The following SLCO5A1 variants were observed in gnomAD, a reference collection of about 807,000 sequenced individuals.
SLCO5A1 encodes organic anion transporter polypeptide-related protein 4.
Under a neutral mutation model 65.1 loss-of-function variants are expected in SLCO5A1, and 39 were observed. The observed-to-expected ratio is 0.60, with a 90% CI of 0.46 to 0.78. The LOEUF is 0.78. Among genes scored for constraint, SLCO5A1 ranks in the 30% least tolerant of loss-of-function variants. SLCO5A1 has a pLI of 0.00. For missense variants in SLCO5A1, 1,029 were observed against 1,069.4 expected (o/e 0.96, Z 0.53); for synonymous variants, 438 against 415.7 (o/e 1.05, Z -0.65).
chr8:69,795,390 T>G (rs936200477), intron 2 of SLCO5A1, among the ~76,000 whole-genome samples: 6 of 152,096 alleles, frequency 3.9e-5, no homozygotes, highest in African/African-American at 1.4e-4. Flanking sequence ...CCAAAAGAGA[T>G]AAATTCAGCA....
intron 5 of SLCO5A1, among the ~76,000 whole-genome samples, chr8:69,707,312 A>C (rs1223325797): frequency 6.6e-6 from 1 of 152,234 alleles, no homozygotes; most frequent in Non-Finnish European, 1.5e-5. Context: ...AGGGTTTTAC[A>C]CAAGTGGCAG....
chr8:69,788,368 T>C (rs1819127245), intron 2 of SLCO5A1, among the ~76,000 whole-genome samples: 1 of 152,246 alleles, frequency 6.6e-6, no homozygotes, highest in African/African-American at 2.4e-5. Context: ...CTAGGACTTG[T>C]ATACTGAGAC....
chr8:69,733,081 AC>A (rs899255927), intron 5 of SLCO5A1, among the ~76,000 whole-genome samples: 1 of 152,166 alleles, frequency 6.6e-6, no homozygotes, highest in African/African-American at 2.4e-5. Flanking sequence ...AAATGATGTT[AC>A]CCACATAAAA....
At chr8:69,716,169 C>G (rs1466297035) in intron 5 of SLCO5A1, among the ~76,000 whole-genome samples, 1 of 152,068 alleles carries the variant, frequency 6.6e-6, no homozygotes, top group Non-Finnish European at 1.5e-5. Flanking sequence ...TATTTATGAC[C>G]AAATAACATT....
chr8:69,784,950 G>GAAAGA (rs1406393405), intron 2 of SLCO5A1, among the ~76,000 whole-genome samples: 3 of 121,100 alleles, frequency 2.5e-5, no homozygotes, highest in South Asian at 2.6e-4. Flanking sequence ...AAGAAAGAAA[G>GAAAGA]AAGAAAGGAA....
intron 5 of SLCO5A1, among the ~76,000 whole-genome samples, chr8:69,736,750 T>G (rs1816577917): frequency 6.6e-6 from 1 of 152,232 alleles, no homozygotes; most frequent in Non-Finnish European, 1.5e-5. Flanking sequence ...TTTATTTTAT[T>G]ATGAACTGTC....
chr8:69,832,572 C>T lies in SLCO5A1; in HGVS notation c.102G>A (p.Arg34=). 1 of 1,612,856 alleles carries T rather than the reference C, an allele frequency of 6.2e-7. No homozygotes were observed. Among genetic ancestry groups the T allele is most frequent in the South Asian group, 1.1e-5 (1 of 90,894 alleles). The change falls in exon 2 of 10, where the codon AGG becomes AGA. Residue 34 remains arginine (R), a synonymous_variant. Transcript: ENST00000260126. This position sits in a 1 kb window ranked among gnomAD's most constrained non-coding sequence, Gnocchi z 4.5. ...TGCTGAGGACCGGTAAACTCTTAGA[C>T]CTGAGGGTCTCCGGCTCGCACCTCT... ...VQERCEPETL[R]SKSLPVLSSA...
intron 7 of SLCO5A1, among the ~76,000 whole-genome samples, chr8:69,680,275 A>C: frequency 6.6e-6 from 1 of 151,554 alleles, no homozygotes; most frequent in East Asian, 1.9e-4. Flanking sequence ...AGTTTTTCAC[A>C]CCTCCCTCCC....
Position 69,688,493 on chromosome 8 carries a change from C to A in SLCO5A1, c.1623-6150G>T, listed in dbSNP as rs909010356. Among the ~76,000 whole-genome samples the A allele has an allele frequency of 7.9e-5, 12 of 152,156 alleles. No individual in the cohort carries two copies. The East Asian group carries it at 2.1e-3, about 27-fold the overall frequency. ...CAATGCTATCCCTCCCCGCTCCCCC[C>A]ACCCCACAACAGGCCCCAGAGTGTG... is the stretch of plus-strand genomic sequence containing the variant. On this transcript the variant is annotated intron_variant, in intron 6 of 9. Transcript: ENST00000260126.
Position 69,686,965 on chromosome 8 carries a change from C to T in SLCO5A1, c.1623-4622G>A, listed in dbSNP as rs558997993. On this transcript the variant is annotated intron_variant, in intron 6 of 9. Coordinates refer to ENST00000260126, the MANE Select transcript of SLCO5A1 (RefSeq NM_030958.3). Reference sequence around the variant, plus strand: ...TATCAAAATGTCAGTATCACACAGTCGTTGTGGGGGATTAGGCGGGTGAAT... The same window carrying T: ...TATCAAAATGTCAGTATCACACAGTTGTTGTGGGGGATTAGGCGGGTGAAT... 1.4e-4 allele frequency among the ~76,000 whole-genome samples: 22 copies of T among 152,240 alleles called. No homozygotes were observed. The South Asian group carries it at 3.9e-3, about 27-fold the overall frequency.
intron 2 of SLCO5A1, among the ~76,000 whole-genome samples, chr8:69,828,805 T>C (rs1821040392): frequency 6.6e-6 from 1 of 152,174 alleles, no homozygotes; most frequent in Non-Finnish European, 1.5e-5. Flanking sequence ...GAATATGCAT[T>C]TCATATGCAC....
rs967428507 is a variant in SLCO5A1, at chr8:69,669,702, G to C, written c.*3167C>G. The C allele has an allele frequency of 1.3e-5, 2 of 151,984 alleles. No homozygotes were observed. The highest frequency in any genetic ancestry group is 2.9e-5 in the Non-Finnish European group (2 of 68,030). The allele number at this position is 151,984 out of a possible 1,614,324, so 9.4% of individuals were successfully genotyped here. A position where few individuals can be genotyped will look rare whatever the true frequency, so the allele number is the denominator to read the frequency against. On this transcript the variant is annotated 3_prime_UTR_variant, in exon 10 of 10. Coordinates refer to ENST00000260126, the MANE Select transcript of SLCO5A1 (RefSeq NM_030958.3). ...TGTGGTGGCACACACCTTAATCCCA[G>C]TTCCTCAGGAGACTGAAACAGGAGA... is the stretch of plus-strand genomic sequence containing the variant.
chr8:69,692,545 CT>C (rs1405954198), intron 6 of SLCO5A1, among the ~76,000 whole-genome samples: 1 of 152,202 alleles, frequency 6.6e-6, no homozygotes, highest in South Asian at 2.1e-4. Flanking sequence ...CTTTTTGACT[CT>C]TTTGTAATAG....
At chr8:69,816,098 C>T (rs1376494537) in intron 2 of SLCO5A1, among the ~76,000 whole-genome samples, 17 of 152,124 alleles carry the variant, frequency 1.1e-4, no homozygotes, top group Admixed American at 1.1e-3. Context: ...ATATAAGGAA[C>T]TCAAGATATT....
In SLCO5A1 at chr8:69,765,207, C is replaced by CAT. The variant is rs756895194; in HGVS notation, c.908-3334_908-3333dup. 5.3e-5 allele frequency among the ~76,000 whole-genome samples: 8 copies of CAT among 151,336 alleles called. No individual in the cohort carries two copies. In the East Asian group the frequency reaches 7.7e-4, roughly 15 times the overall value. ...ATGTGTGCCTGTGTGTATACAGATA[C>CAT]ATATATATATACACACACACACAAT... On this transcript the variant is annotated intron_variant, in intron 2 of 9. Coordinates refer to ENST00000260126, the MANE Select transcript of SLCO5A1 (RefSeq NM_030958.3).
chr8:69,828,581 G>A (rs1312060301), intron 2 of SLCO5A1, among the ~76,000 whole-genome samples: 5 of 151,168 alleles, frequency 3.3e-5, no homozygotes, highest in East Asian at 1.9e-4. Context: ...CAGCCTGGGC[G>A]ACAGAGCGAG....
intron 2 of SLCO5A1, among the ~76,000 whole-genome samples, chr8:69,804,912 T>C (rs939136921): frequency 6.6e-6 from 1 of 152,152 alleles, no homozygotes; most frequent in South Asian, 2.1e-4. Flanking sequence ...ACCTTGACAC[T>C]TCTGGATTCT....
Position 69,807,773 on chromosome 8 carries a change from G to A in SLCO5A1, c.907+23994C>T, listed in dbSNP as rs549260316. Among the ~76,000 whole-genome samples the A allele has an allele frequency of 6.6e-5, 10 of 152,230 alleles. No homozygotes were observed. The East Asian group carries it at 1.7e-3, about 26-fold the overall frequency. ...CAGGCTGGAGCAGTGGTGCGATCTC[G>A]GCTCACTGCAAACTCTGCCTCCCGG... On this transcript the variant is annotated intron_variant, in intron 2 of 9. Transcript: ENST00000260126.
intron 2 of SLCO5A1, among the ~76,000 whole-genome samples, chr8:69,820,549 T>C (rs1264746839): frequency 6.6e-6 from 1 of 152,276 alleles, no homozygotes. Flanking sequence ...GATTGTTCCA[T>C]AGGCTAGTCA....
Sources: gnomAD v4.1 joint callset for allele counts (sites outside exome capture counted in the v4.1 genomes callset) on GRCh38, gnomAD v4.1.1 for gene constraint, Gnocchi (gnomAD v3.1) non-coding constraint, MANE v1.5 for transcripts, NCBI Gene and HGNC (gene_info 2026-07-23, HGNC 2026-07-21) for gene names.